Variants in PBX3 observed in about 807,000 individuals in gnomAD.
PBX3 encodes pre-B-cell leukemia transcription factor 3.
A neutral mutation model predicts 48.5 loss-of-function variants in PBX3; 14 were observed. That is an observed-to-expected ratio of 0.29 (90% CI 0.19 to 0.45). The LOEUF is 0.45. Among genes scored for constraint, PBX3 ranks in the 20% least tolerant of loss-of-function variants. The probability of loss-of-function intolerance (pLI) is 1.00; values close to 1 mark genes in which losing one functional copy is unlikely to be tolerated. For synonymous variants in PBX3, 210 were observed against 200.3 expected, an observed-to-expected ratio of 1.05 and a Z score of -0.41; for missense variants, 386 against 546.7, an observed-to-expected ratio of 0.71 and a Z score of 2.93.
chr9:125,960,195 AG>A (rs1165938814), intron 5 of PBX3, among the ~76,000 whole-genome samples: 1 of 152,222 alleles, frequency 6.6e-6, no homozygotes, highest in Non-Finnish European at 1.5e-5. Context: ...CAAAAGACAA[AG>A]GGTTTTTTCA....
At chr9:125,958,798 T>C (rs1249800417) in intron 5 of PBX3, among the ~76,000 whole-genome samples, 4 of 152,174 alleles carry the variant, frequency 2.6e-5, no homozygotes, top group Admixed American at 2.0e-4. Flanking sequence ...GAGAGGATAT[T>C]TGAAATTTTG....
chr9:125,897,510 T>C (rs1427026200), intron 2 of PBX3, among the ~76,000 whole-genome samples: 1 of 151,828 alleles, frequency 6.6e-6, no homozygotes, highest in Non-Finnish European at 1.5e-5. Context: ...CTGGCCAATG[T>C]TAATTACAAT....
chr9:125,796,989 C>T (rs909122797), intron 2 of PBX3, among the ~76,000 whole-genome samples: 2 of 151,936 alleles, frequency 1.3e-5, no homozygotes, highest in East Asian at 1.9e-4. Context: ...TTACCTAATT[C>T]GTATGGTAAC....
chr9:125,952,565 C>G (rs1033516341), intron 5 of PBX3, among the ~76,000 whole-genome samples: 1 of 152,110 alleles, frequency 6.6e-6, no homozygotes, highest in Non-Finnish European at 1.5e-5. Flanking sequence ...AAATGCAAAG[C>G]TGCTTGGGAA....
At chr9:125,842,356 A>G (rs924767959) in intron 2 of PBX3, among the ~76,000 whole-genome samples, 5 of 152,164 alleles carry the variant, frequency 3.3e-5, no homozygotes, top group Non-Finnish European at 7.4e-5. Flanking sequence ...TGTAAAACAC[A>G]TTCATGTTGA....
chr9:125,947,308 CTT>C (rs1442127709), intron 5 of PBX3, among the ~76,000 whole-genome samples: 1 of 152,054 alleles, frequency 6.6e-6, no homozygotes, highest in Non-Finnish European at 1.5e-5. Flanking sequence ...AAGATAATGT[CTT>C]ATTTTGCTTA....
intron 2 of PBX3, among the ~76,000 whole-genome samples, chr9:125,868,971 G>C (rs183689929): frequency 1.3e-5 from 2 of 152,208 alleles, no homozygotes; most frequent in Admixed American, 1.3e-4. Context: ...AAATGCCTGA[G>C]TTAAAAAAGC....
At chr9:125,774,300 C>T (rs1176929753) in intron 2 of PBX3, among the ~76,000 whole-genome samples, 1 of 152,178 alleles carries the variant, frequency 6.6e-6, no homozygotes, top group Non-Finnish European at 1.5e-5. Flanking sequence ...ACCCAGTCAC[C>T]TCCTGCCAGG....
chr9:125,763,901 A>AT (rs1373326717), intron 2 of PBX3, among the ~76,000 whole-genome samples: 6 of 152,132 alleles, frequency 3.9e-5, no homozygotes, highest in Non-Finnish European at 7.4e-5. Flanking sequence ...GATTAGATAG[A>AT]TTTTTTTGTG....
chr9:125,916,174 C>G (rs746801605), intron 3 of PBX3, among the ~76,000 whole-genome samples: 1 of 152,208 alleles, frequency 6.6e-6, no homozygotes, highest in Non-Finnish European at 1.5e-5. Context: ...CGCACATTCA[C>G]GTGCCCTTAT....
intron 1 of PBX3, 33 bp downstream of exon 1, chr9:125,747,686 G>T (rs1436881617): frequency 6.6e-7 from 1 of 1,504,498 alleles, no homozygotes; most frequent in East Asian, 2.8e-5. Flanking sequence ...TCTTTTGTGT[G>T]TGTGCGGGAG....
At chr9:125,896,211 G>A (rs954246454) in intron 2 of PBX3, among the ~76,000 whole-genome samples, 2 of 151,820 alleles carry the variant, frequency 1.3e-5, no homozygotes, top group South Asian at 2.1e-4. Flanking sequence ...CCTAGTAACC[G>A]ACAAGGTAAG....
chr9:125,896,550 CAAAG>C lies in PBX3; in HGVS notation c.275-19135_275-19132del, dbSNP rs142175966. 5.1e-3 allele frequency among the ~76,000 whole-genome samples: 777 copies of C among 152,084 alleles called. 4 individuals carry two copies. Among genetic ancestry groups the C allele is most frequent in the Non-Finnish European group, 8.6e-3 (587 of 67,932 alleles). On this transcript the variant is annotated intron_variant, in intron 2 of 8. Coordinates refer to ENST00000373489, the MANE Select transcript of PBX3 (RefSeq NM_006195.6). ...AATTTTTATATTTTTGATTTAGAAA[CAAAG>C]GAACTGATTTGATACTCGTAAAACT...
intron 2 of PBX3, among the ~76,000 whole-genome samples, chr9:125,767,060 C>T (rs911277619): frequency 2.6e-5 from 4 of 152,200 alleles, no homozygotes; most frequent in Non-Finnish European, 2.9e-5. Flanking sequence ...GTGTTGCTGT[C>T]GCTCATCAGG....
chr9:125,867,101 A>G (rs1047160863), intron 2 of PBX3, among the ~76,000 whole-genome samples: 1 of 152,182 alleles, frequency 6.6e-6, no homozygotes, highest in South Asian at 2.1e-4. Context: ...AAATAATACC[A>G]TGAAGGGATT....
At chr9:125,835,460 C>CTATTTAAT (rs1839105469) in intron 2 of PBX3, among the ~76,000 whole-genome samples, 1 of 151,570 alleles carries the variant, frequency 6.6e-6, no homozygotes, top group South Asian at 2.1e-4. Context: ...TATTTGCAAG[C>CTATTTAAT]TATTTAATTG....
At chr9:125,804,674 C>T (rs529592946) in intron 2 of PBX3, among the ~76,000 whole-genome samples, 3 of 152,212 alleles carry the variant, frequency 2.0e-5, no homozygotes, top group African/African-American at 4.8e-5. Context: ...CGTGGTGGCT[C>T]ATGCCTGTAA....
intron 2 of PBX3, among the ~76,000 whole-genome samples, chr9:125,781,179 TG>T (rs1414620964): frequency 6.7e-6 from 1 of 149,016 alleles, no homozygotes; most frequent in Non-Finnish European, 1.5e-5. Context: ...GGCTGGGAGA[TG>T]GAGGTTGTAG....
At chr9:125,797,284 A>G (rs1160215467) in intron 2 of PBX3, 1 of 152,190 alleles carries the variant, frequency 6.6e-6, no homozygotes, top group African/African-American at 2.4e-5. Context: ...TAAAATTTAA[A>G]TTACTAATCA....
Sources: gnomAD v4.1 joint callset for allele counts (sites outside exome capture counted in the v4.1 genomes callset) on GRCh38, gnomAD v4.1.1 for gene constraint, MANE v1.5 for transcripts, NCBI Gene and HGNC (gene_info 2026-07-23, HGNC 2026-07-21) for gene names.